The following SLAIN1 variants were observed in gnomAD, a reference collection of about 807,000 sequenced individuals.
SLAIN1 encodes SLAIN family member 1.
SLAIN1 carries 17 observed loss-of-function variants against 55.4 expected under a neutral mutation model. That is an observed-to-expected ratio of 0.31 (90% CI 0.21 to 0.46). SLAIN1 has a LOEUF of 0.46. Ranked by LOEUF, SLAIN1 falls within the 20% of genes least tolerant of loss-of-function variation. The probability of loss-of-function intolerance (pLI) is 1.00; values close to 1 mark genes in which losing one functional copy is unlikely to be tolerated. For synonymous variants in SLAIN1, 348 were observed against 337.4 expected (o/e 1.03, Z -0.35); for missense variants, 682 against 785.1 (o/e 0.87, Z 1.57).
intron 5 of SLAIN1, among the ~76,000 whole-genome samples, chr13:77,756,727 A>G (rs1446771548): frequency 6.6e-6 from 1 of 152,180 alleles, no homozygotes; most frequent in East Asian, 1.9e-4. Flanking sequence ...CTGCTTAGTA[A>G]TACAGCAACA....
intron 1 of SLAIN1, among the ~76,000 whole-genome samples, chr13:77,702,823 T>A (rs1214776241): frequency 6.6e-6 from 1 of 152,158 alleles, no homozygotes; most frequent in African/African-American, 2.4e-5. Flanking sequence ...GAATAGAAAA[T>A]CAGAGTTTAT....
intron 2 of SLAIN1, among the ~76,000 whole-genome samples, chr13:77,735,877 T>G (rs1035292589): frequency 6.6e-6 from 1 of 151,938 alleles, no homozygotes; most frequent in Non-Finnish European, 1.5e-5. Context: ...GTTTCTAAAA[T>G]CTCCAGTGGA....
chr13:77,740,588 G>C (rs1214527189), intron 2 of SLAIN1, among the ~76,000 whole-genome samples: 1 of 145,300 alleles, frequency 6.9e-6, no homozygotes, highest in African/African-American at 2.6e-5. Context: ...AAATTTAACT[G>C]TTGTTCAAAA....
At chr13:77,761,564 AT>A (rs1224766378) in intron 6 of SLAIN1, among the ~76,000 whole-genome samples, 1 of 152,160 alleles carries the variant, frequency 6.6e-6, no homozygotes, top group Non-Finnish European at 1.5e-5. Context: ...GATCTCAAAT[AT>A]TTGTTGAATC....
intron 1 of SLAIN1, among the ~76,000 whole-genome samples, chr13:77,713,500 T>C (rs1364401151): frequency 2.6e-5 from 4 of 152,160 alleles, no homozygotes; most frequent in African/African-American, 9.7e-5. Context: ...AGAATGGCGA[T>C]CATTAAAAAG....
intron 2 of SLAIN1, among the ~76,000 whole-genome samples, chr13:77,738,237 C>T (rs1258779832): frequency 3.5e-5 from 2 of 57,360 alleles, no homozygotes; most frequent in South Asian, 4.3e-4. Flanking sequence ...TATACATATA[C>T]ATATATATAC....
intron 2 of SLAIN1, among the ~76,000 whole-genome samples, chr13:77,732,513 C>T (rs908200933): frequency 6.6e-6 from 1 of 152,124 alleles, no homozygotes; most frequent in African/African-American, 2.4e-5. Flanking sequence ...GACAACATCT[C>T]ATCGTTGCCA....
intron 1 of SLAIN1, among the ~76,000 whole-genome samples, chr13:77,715,854 C>G (rs1240063579): frequency 6.6e-6 from 1 of 152,070 alleles, no homozygotes; most frequent in East Asian, 1.9e-4. Flanking sequence ...ATGTCTTTCC[C>G]AATCTGTGGT....
intron 4 of SLAIN1, 94 bp downstream of exon 4, chr13:77,746,949 C>G (rs1873871327): frequency 8.9e-7 from 1 of 1,127,136 alleles, no homozygotes; most frequent in Non-Finnish European, 1.3e-6. Context: ...GTTTTTGAGA[C>G]AGAATCTGTC....
chr13:77,705,964 C>A (rs1229629467), intron 1 of SLAIN1, among the ~76,000 whole-genome samples: 1 of 151,992 alleles, frequency 6.6e-6, no homozygotes, highest in East Asian at 1.9e-4. Flanking sequence ...TGTCTTAATG[C>A]CATACATTTG....
chr13:77,716,784 A>AT (rs1191016090), intron 1 of SLAIN1, among the ~76,000 whole-genome samples: 8 of 151,998 alleles, frequency 5.3e-5, no homozygotes, highest in South Asian at 2.1e-4. Flanking sequence ...GATTCTTCAG[A>AT]TTTTTTTTAC....
chr13:77,737,681 C>G (rs577944687), intron 2 of SLAIN1, among the ~76,000 whole-genome samples: 1 of 152,202 alleles, frequency 6.6e-6, no homozygotes, highest in South Asian at 2.1e-4. Context: ...CCTCAACCTT[C>G]AAGGGCCACA....
At chr13:77,727,072 T>C (rs890502589) in intron 2 of SLAIN1, among the ~76,000 whole-genome samples, 2 of 152,178 alleles carry the variant, frequency 1.3e-5, no homozygotes, top group Admixed American at 6.5e-5. Context: ...TCTGTTGGTA[T>C]AAAGTTAACT....
At chr13:77,725,700 C>T (rs1266967402) in intron 2 of SLAIN1, among the ~76,000 whole-genome samples, 1 of 152,170 alleles carries the variant, frequency 6.6e-6, no homozygotes, top group Non-Finnish European at 1.5e-5. Flanking sequence ...TTCTGGTGGG[C>T]AGAGCTGGTC....
In SLAIN1 at chr13:77,697,985, C is replaced by T. The variant is rs867679999; in HGVS notation, c.72C>T (p.Asn24=). 2 of 1,447,094 alleles carry T rather than the reference C, an allele frequency of 1.4e-6. No homozygotes were observed. The highest frequency in any genetic ancestry group is 1.8e-6 in the Non-Finnish European group (2 of 1,091,094). 89.6% of individuals were successfully genotyped at this position (1,447,094 alleles called of 1,614,324 possible). A position where few individuals can be genotyped will look rare whatever the true frequency, so the allele number is the denominator to read the frequency against. ...SSGAGSGPVV[N]AELEVKKLQE... ...GAGCGGGCTCCGGGCCGGTGGTGAACGCGGAGCTGGAGGTGAAGAAGCTGC... is the reference window on the plus strand; with the variant it reads ...GAGCGGGCTCCGGGCCGGTGGTGAATGCGGAGCTGGAGGTGAAGAAGCTGC... The change falls in exon 1 of 7, where the codon AAC becomes AAT. Residue 24 remains asparagine (N), a synonymous_variant. Coordinates refer to ENST00000418532, the MANE Select transcript of SLAIN1 (RefSeq NM_001242868.2).
At chr13:77,714,854 C>A (rs2091190984) in intron 1 of SLAIN1, among the ~76,000 whole-genome samples, 1 of 152,096 alleles carries the variant, frequency 6.6e-6, no homozygotes, top group Admixed American at 6.6e-5. Context: ...CTGATCCTTG[C>A]TACCTCCAAC....
At chr13:77,703,756 G>A (rs1415841239) in intron 1 of SLAIN1, among the ~76,000 whole-genome samples, 6 of 151,524 alleles carry the variant, frequency 4.0e-5, no homozygotes, top group Admixed American at 2.0e-4. Context: ...CTAAAGATTC[G>A]TTGATCGTGC....
intron 2 of SLAIN1, among the ~76,000 whole-genome samples, chr13:77,722,753 CTT>C (rs2091273758): frequency 6.6e-6 from 1 of 151,990 alleles, no homozygotes; most frequent in African/African-American, 2.4e-5. Flanking sequence ...TTCCATCTAA[CTT>C]TTTTGTTTTT....
At chr13:77,709,825 C>T (rs536212928) in intron 1 of SLAIN1, among the ~76,000 whole-genome samples, 7 of 152,220 alleles carry the variant, frequency 4.6e-5, no homozygotes, top group African/African-American at 1.7e-4. Flanking sequence ...GGCCGGAGTG[C>T]AATGGCGCGA....
Sources: gnomAD v4.1 joint callset for allele counts (sites outside exome capture counted in the v4.1 genomes callset) on GRCh38, gnomAD v4.1.1 for gene constraint, MANE v1.5 for transcripts, NCBI Gene and HGNC (gene_info 2026-07-23, HGNC 2026-07-21) for gene names.